The following LDB2 variants were observed in gnomAD, a reference collection of about 807,000 sequenced individuals.
The protein encoded by LDB2 is LIM domain-binding protein 2.
Under a neutral mutation model 44.3 loss-of-function variants are expected in LDB2, and 12 were observed. The ratio of observed to expected loss-of-function variants is 0.27; its 90% CI spans 0.17 to 0.44. The LOEUF (loss-of-function observed/expected upper bound fraction) is 0.44. Among genes scored for constraint, LDB2 ranks in the 20% least tolerant of loss-of-function variants. The pLI is 1.00. For missense variants in LDB2, 344 were observed against 473.5 expected, an observed-to-expected ratio of 0.73 and a Z score of 2.54; for synonymous variants, 164 against 174.8, an observed-to-expected ratio of 0.94 and a Z score of 0.49.
chr4:16,847,056 C>T (rs1231903407), intron 1 of LDB2, among the ~76,000 whole-genome samples: 1 of 152,098 alleles, frequency 6.6e-6, no homozygotes, highest in African/African-American at 2.4e-5. Flanking sequence ...TTCAATTTGA[C>T]TCTCACCCCA....
At chr4:16,838,905 T>C (rs560988424) in intron 1 of LDB2, among the ~76,000 whole-genome samples, 1 of 152,292 alleles carries the variant, frequency 6.6e-6, no homozygotes, top group South Asian at 2.1e-4. Context: ...TTCATTTGCC[T>C]TTGTTTTTTA....
chr4:16,711,095 A>G (rs1755763589), intron 2 of LDB2, among the ~76,000 whole-genome samples: 1 of 152,256 alleles, frequency 6.6e-6, no homozygotes, highest in African/African-American at 2.4e-5. Context: ...TGACACTCTT[A>G]CAATCTAGGG....
chr4:16,779,706 T>C (rs1354799579), intron 1 of LDB2, among the ~76,000 whole-genome samples: 1 of 152,220 alleles, frequency 6.6e-6, no homozygotes, highest in African/African-American at 2.4e-5. Flanking sequence ...AATGGATGAA[T>C]AGGGCAAGTT....
At position 16,783,289 on chromosome 4, in the gene LDB2, C is replaced by T. The variant is rs755639838; in HGVS notation, c.133-24029G>A. Among the ~76,000 whole-genome samples, 21 of 152,312 alleles carry T rather than the reference C, an allele frequency of 1.4e-4. 1 individual carries two copies. Among genetic ancestry groups the T allele is most frequent in the Admixed American group, 1.2e-3 (18 of 15,306 alleles). ...ATTTATACTTTACTGTTGCAAGGAACGTTGTTTACAATTAAAATTACAGTA... is the reference window on the plus strand; with the variant it reads ...ATTTATACTTTACTGTTGCAAGGAATGTTGTTTACAATTAAAATTACAGTA... On this transcript the variant is annotated intron_variant, in intron 1 of 7. Transcript: ENST00000304523.
chr4:16,833,507 C>T (rs368819499), intron 1 of LDB2, among the ~76,000 whole-genome samples: 10 of 151,200 alleles, frequency 6.6e-5, no homozygotes, highest in African/African-American at 1.9e-4. Context: ...CAATATGATC[C>T]GGTCCCAACA....
intron 5 of LDB2, among the ~76,000 whole-genome samples, chr4:16,515,639 T>C (rs1723355545): frequency 6.6e-6 from 1 of 152,128 alleles, no homozygotes; most frequent in South Asian, 2.1e-4. Flanking sequence ...TTCAGAGAAA[T>C]CCTAAAGACT....
At chr4:16,545,305 A>C (rs994085039) in intron 5 of LDB2, among the ~76,000 whole-genome samples, 7 of 152,168 alleles carry the variant, frequency 4.6e-5, no homozygotes, top group Non-Finnish European at 8.8e-5. Context: ...TCACAGAATG[A>C]AGGGCCTTGG....
intron 1 of LDB2, among the ~76,000 whole-genome samples, chr4:16,759,592 C>T (rs1451347523): frequency 2.0e-5 from 3 of 152,012 alleles, no homozygotes; most frequent in African/African-American, 4.8e-5. Context: ...ATACACTTGA[C>T]TTTTTTTTCT....
At chr4:16,549,846 G>C (rs967318400) in intron 5 of LDB2, among the ~76,000 whole-genome samples, 1 of 152,130 alleles carries the variant, frequency 6.6e-6, no homozygotes, top group African/African-American at 2.4e-5. Flanking sequence ...TTTTGCTAAA[G>C]GGCAGCAAAA....
chr4:16,856,088 T>C (rs1202216309), intron 1 of LDB2, among the ~76,000 whole-genome samples: 2 of 152,192 alleles, frequency 1.3e-5, no homozygotes, highest in African/African-American at 4.8e-5. Context: ...GAGGCCAATT[T>C]TCTTCAAACG....
chr4:16,749,566 A>AT (rs1298346451), intron 2 of LDB2, among the ~76,000 whole-genome samples: 20 of 136,272 alleles, frequency 1.5e-4, no homozygotes, highest in African/African-American at 5.6e-4. Flanking sequence ...CTCAAAAAAA[A>AT]AAAAAATAAA....
chr4:16,717,123 G>A (rs1464408766), intron 2 of LDB2, among the ~76,000 whole-genome samples: 1 of 151,442 alleles, frequency 6.6e-6, no homozygotes, highest in Non-Finnish European at 1.5e-5. Flanking sequence ...ATCCATAGTA[G>A]CTTTAGTTTC....
chr4:16,820,148 T>C (rs1052883763), intron 1 of LDB2, among the ~76,000 whole-genome samples: 8 of 152,230 alleles, frequency 5.3e-5, no homozygotes, highest in East Asian at 1.9e-4. Context: ...ATGTAAGATA[T>C]TGTTTACTCA....
At chr4:16,687,709 C>T (rs933609084) in intron 2 of LDB2, among the ~76,000 whole-genome samples, 4 of 152,080 alleles carry the variant, frequency 2.6e-5, no homozygotes, top group Admixed American at 1.3e-4. Flanking sequence ...CCCACACCCA[C>T]CCTGCCTTTT....
intron 3 of LDB2, among the ~76,000 whole-genome samples, chr4:16,592,776 C>T (rs1391843173): frequency 2.0e-5 from 3 of 151,772 alleles, no homozygotes; most frequent in Non-Finnish European, 4.4e-5. Flanking sequence ...TAAGGGTGGC[C>T]AATAATGGCC....
At chr4:16,817,212 C>T (rs1174713812) in intron 1 of LDB2, among the ~76,000 whole-genome samples, 1 of 152,180 alleles carries the variant, frequency 6.6e-6, no homozygotes, top group Non-Finnish European at 1.5e-5. Context: ...TTGAACTTTA[C>T]GACACTTAAT....
At chr4:16,561,522 G>T (rs996119067) in intron 5 of LDB2, among the ~76,000 whole-genome samples, 1 of 152,108 alleles carries the variant, frequency 6.6e-6, no homozygotes, top group African/African-American at 2.4e-5. Flanking sequence ...GGACGTGAAG[G>T]ACCTCTTCAA....
chr4:16,685,294 T>A (rs1038268426), intron 2 of LDB2, among the ~76,000 whole-genome samples: 1 of 152,216 alleles, frequency 6.6e-6, no homozygotes, highest in African/African-American at 2.4e-5. Context: ...CCATTTAACT[T>A]CAATAGGTCT....
intron 5 of LDB2, among the ~76,000 whole-genome samples, chr4:16,531,065 A>G (rs1729970332): frequency 1.3e-5 from 2 of 152,200 alleles, no homozygotes; most frequent in South Asian, 4.1e-4. Flanking sequence ...AAGTAGTGGA[A>G]CCAGGTTTCA....
Sources: allele counts gnomAD v4.1 joint callset (sites outside exome capture counted in the v4.1 genomes callset), GRCh38; gene constraint gnomAD v4.1.1; transcripts MANE v1.5; gene names NCBI Gene and HGNC (gene_info 2026-07-23, HGNC 2026-07-21).